The following RANBP9 variants were observed in gnomAD, a reference collection of about 807,000 sequenced individuals.
RANBP9 encodes RAN binding protein 9.
Under a neutral mutation model 84.3 loss-of-function variants are expected in RANBP9, and 15 were observed. That is an observed-to-expected ratio of 0.18 (90% CI 0.12 to 0.27). RANBP9 has a LOEUF of 0.27. Ranked by LOEUF, RANBP9 falls within the 10% of genes least tolerant of loss-of-function variation. The pLI is 1.00. For synonymous variants in RANBP9, 392 were observed against 349.6 expected, an observed-to-expected ratio of 1.12 and a Z score of -1.35; for missense variants, 809 against 912.8, an observed-to-expected ratio of 0.89 and a Z score of 1.46.
chr6:13,703,053 C>T (rs1218180607), intron 1 of RANBP9, among the ~76,000 whole-genome samples: 1 of 152,164 alleles, frequency 6.6e-6, no homozygotes, highest in Non-Finnish European at 1.5e-5. Context: ...CATTCTGTTG[C>T]CCAGGCTAAA....
intron 2 of RANBP9, among the ~76,000 whole-genome samples, chr6:13,688,507 C>T (rs1766243798): frequency 6.6e-6 from 1 of 152,114 alleles, no homozygotes; most frequent in Non-Finnish European, 1.5e-5. Context: ...TTATTAGTTA[C>T]TTACATGTTC....
intron 2 of RANBP9, among the ~76,000 whole-genome samples, chr6:13,672,282 T>C (rs774971574): frequency 3.3e-5 from 5 of 152,098 alleles, no homozygotes; most frequent in Non-Finnish European, 5.9e-5. Context: ...AGAAATTCTT[T>C]TGAAGGTCCG....
Position 13,710,969 on chromosome 6 carries a change from G to T in RANBP9, c.537C>A (p.Gly179=), listed in dbSNP as rs188995248. Residue 179 remains glycine, a synonymous_variant, in exon 1 of 14, where the codon GGC becomes GGA. Coordinates refer to ENST00000011619, the MANE Select transcript of RANBP9 (RefSeq NM_005493.3). ...WSPKDKFSYI[G]LSQNNLRVHY... is the part of the protein sequence containing the mutation. Reference sequence around the variant, plus strand: ...GCACCCGCAGGTTGTTCTGAGAGAGGCCGATGTAGCTGAACTTGTCCTTCG... The same window carrying T: ...GCACCCGCAGGTTGTTCTGAGAGAGTCCGATGTAGCTGAACTTGTCCTTCG... 1.9e-6 allele frequency: 3 copies of T among 1,609,954 alleles called. No individual in the cohort carries two copies. The highest frequency in any genetic ancestry group is 2.7e-5 in the African/African-American group (2 of 74,750).
At chr6:13,650,989 C>A (rs1368575671) in intron 5 of RANBP9, among the ~76,000 whole-genome samples, 1 of 152,044 alleles carries the variant, frequency 6.6e-6, no homozygotes, top group African/African-American at 2.4e-5. Flanking sequence ...CTTTAAAAAA[C>A]TGATTTAAAA....
rs1758293174 is a variant in RANBP9, at chr6:13,711,666, G to A, written c.-161C>T. ...GCCCAGGGAGACCGCGGCGGTTGAG[G>A]AGCTCGGAGACGCGGGAGTAGGCGG... On this transcript the variant is annotated 5_prime_UTR_variant, in exon 1 of 14. Coordinates refer to ENST00000011619, the MANE Select transcript of RANBP9 (RefSeq NM_005493.3). The A allele has an allele frequency of 7.6e-6, 4 of 524,778 alleles. No homozygotes were observed. The highest frequency in any genetic ancestry group is 9.8e-5 in the Admixed American group (2 of 20,326). 32.5% of individuals were successfully genotyped at this position (524,778 alleles called of 1,614,324 possible). A position where few individuals can be genotyped will look rare whatever the true frequency, so the allele number is the denominator to read the frequency against.
intron 1 of RANBP9, among the ~76,000 whole-genome samples, chr6:13,702,755 T>A (rs1758005815): frequency 6.6e-6 from 1 of 152,116 alleles, no homozygotes; most frequent in Non-Finnish European, 1.5e-5. Context: ...ACCTCCATCC[T>A]CCTCTAGGAA....
At chr6:13,669,281 C>T (rs1379213061) in intron 2 of RANBP9, among the ~76,000 whole-genome samples, 1 of 152,132 alleles carries the variant, frequency 6.6e-6, no homozygotes, top group African/African-American at 2.4e-5. Flanking sequence ...AGACTAAATG[C>T]TGTTAAAATA....
At chr6:13,667,589 CT>C (rs1480510532) in intron 2 of RANBP9, among the ~76,000 whole-genome samples, 1 of 152,118 alleles carries the variant, frequency 6.6e-6, no homozygotes, top group Non-Finnish European at 1.5e-5. Context: ...CATTTTAAAT[CT>C]TTTATACCAC....
At chr6:13,675,606 G>A (rs937417206) in intron 2 of RANBP9, among the ~76,000 whole-genome samples, 1 of 149,140 alleles carries the variant, frequency 6.7e-6, no homozygotes, top group South Asian at 2.1e-4. Flanking sequence ...GAAAGAAGAA[G>A]AAATGAGAAA....
chr6:13,699,549 A>T (rs1757916857), intron 1 of RANBP9, among the ~76,000 whole-genome samples: 1 of 152,162 alleles, frequency 6.6e-6, no homozygotes, highest in Non-Finnish European at 1.5e-5. Flanking sequence ...AAAAATCCAA[A>T]ATCTAAAATG....
At chr6:13,636,410 CT>C (rs1227954960) in intron 10 of RANBP9, among the ~76,000 whole-genome samples, 1 of 152,146 alleles carries the variant, frequency 6.6e-6, no homozygotes, top group African/African-American at 2.4e-5. Context: ...CTTTCTTTCC[CT>C]TTTATACTGC....
intron 1 of RANBP9, among the ~76,000 whole-genome samples, chr6:13,697,787 G>C (rs377003723): frequency 6.6e-6 from 1 of 152,204 alleles, no homozygotes; most frequent in Non-Finnish European, 1.5e-5. Context: ...GAGTATGAGT[G>C]AGACAAGTCT....
chr6:13,642,627 G>A, intron 6 of RANBP9, 36 bp from the exon 7 acceptor site: 1 of 1,365,896 alleles, frequency 7.3e-7, no homozygotes, highest in South Asian at 1.2e-5. Context: ...ATCTTTTAGT[G>A]AAGAGAATAC....
chr6:13,640,711 T>C (rs1262588984), intron 8 of RANBP9, among the ~76,000 whole-genome samples: 3 of 152,064 alleles, frequency 2.0e-5, no homozygotes, highest in Non-Finnish European at 4.4e-5. Context: ...AGAGGCAAAA[T>C]GTAGAATGGT....
In RANBP9 at chr6:13,622,380, C is replaced by T. The variant is rs751481700; in HGVS notation, c.2172G>A (p.Val724=). 2 of 1,592,582 alleles carry T rather than the reference C, an allele frequency of 1.3e-6. No individual in the cohort carries two copies. Among genetic ancestry groups the T allele is most frequent in the South Asian group, 1.1e-5 (1 of 87,822 alleles). ...TGCATAGCTAATGTAGGTAGTCTTCCACTGTGGCAAATGCGCAGGATCCAA... is the reference window on the plus strand; with the variant it reads ...TGCATAGCTAATGTAGGTAGTCTTCTACTGTGGCAAATGCGCAGGATCCAA... ...SGIGSCAFAT[V]EDYLH The change falls in exon 14 of 14, where the codon GTG becomes GTA. Residue 724 remains valine (V), a synonymous_variant. Coordinates refer to ENST00000011619, the MANE Select transcript of RANBP9 (RefSeq NM_005493.3).
At chr6:13,662,354 AC>A (rs1345374487) in intron 2 of RANBP9, among the ~76,000 whole-genome samples, 13 of 152,210 alleles carry the variant, frequency 8.5e-5, no homozygotes, top group Middle Eastern at 3.2e-3. Context: ...TAAACCAGGT[AC>A]TGTTACAATG....
chr6:13,659,295 C>T (rs1337227481), intron 2 of RANBP9, among the ~76,000 whole-genome samples: 6 of 140,564 alleles, frequency 4.3e-5, no homozygotes, highest in Non-Finnish European at 6.3e-5. Flanking sequence ...CACACACACA[C>T]GGAAATATGG....
chr6:13,663,820 G>A (rs1050328372), intron 2 of RANBP9, among the ~76,000 whole-genome samples: 2 of 151,990 alleles, frequency 1.3e-5, no homozygotes, highest in African/African-American at 2.4e-5. Context: ...TAGCTGCAGT[G>A]AAAACACCTG....
chr6:13,675,619 G>C (rs1765870451), intron 2 of RANBP9, among the ~76,000 whole-genome samples: 1 of 150,052 alleles, frequency 6.7e-6, no homozygotes, highest in Admixed American at 6.7e-5. Flanking sequence ...ATGAGAAATA[G>C]AGATAGCAAT....
Sources: allele counts gnomAD v4.1 joint callset (sites outside exome capture counted in the v4.1 genomes callset), GRCh38; gene constraint gnomAD v4.1.1; transcripts MANE v1.5; gene names NCBI Gene and HGNC (gene_info 2026-07-23, HGNC 2026-07-21).